The following CGNL1 variants were observed in gnomAD, a reference collection of about 807,000 sequenced individuals.
CGNL1 encodes cingulin like 1.
In CGNL1, 132 loss-of-function variants were observed where a neutral mutation model predicts 141.2. That is an observed-to-expected ratio of 0.93 (90% CI 0.81 to 1.08). CGNL1 has a LOEUF of 1.08. CGNL1 is among the 50% of genes least tolerant of loss of function. The probability of loss-of-function intolerance (pLI) is 0.00; values close to 1 mark genes in which losing one functional copy is unlikely to be tolerated. For missense variants in CGNL1, 1,870 were observed against 1,588.6 expected (o/e 1.18, Z -3.01); for synonymous variants, 690 against 622.1 (o/e 1.11, Z -1.63).
intron 7 of CGNL1, among the ~76,000 whole-genome samples, chr15:57,459,834 A>G (rs567913751): frequency 6.6e-6 from 1 of 152,292 alleles, no homozygotes; most frequent in South Asian, 2.1e-4. Flanking sequence ...GGAAGAAGGA[A>G]GGAAGGAGCA....
rs751961500 is a variant in CGNL1 at position 57,549,559 on chromosome 15, C to T, written c.*2069C>T. The T allele has an allele frequency of 4.6e-5, 7 of 152,186 alleles. No homozygotes were observed. The highest frequency in any genetic ancestry group is 1.0e-4 in the Non-Finnish European group (7 of 68,050). The allele number at this position is 152,186 out of a possible 1,614,324, so 9.4% of individuals were successfully genotyped here. A position where few individuals can be genotyped will look rare whatever the true frequency, so the allele number is the denominator to read the frequency against. On this transcript the variant is annotated 3_prime_UTR_variant, in exon 19 of 19. Coordinates refer to ENST00000281282, the MANE Select transcript of CGNL1 (RefSeq NM_032866.5). ...CAGGGGTGATTCTCACCTCTGCCTG[C>T]TTATGTGGGGTGTGGCCGATTCCTC...
intron 8 of CGNL1, among the ~76,000 whole-genome samples, chr15:57,502,683 T>C (rs2064042602): frequency 6.6e-6 from 1 of 152,182 alleles, no homozygotes; most frequent in Non-Finnish European, 1.5e-5. Flanking sequence ...CAGGCAGTGA[T>C]TATTTAGATT....
rs2063159053 is a variant in CGNL1, at chr15:57,439,574, G to T, written c.1575G>T (p.Lys525Asn). Reference sequence around the variant, plus strand: ...CTGGTGCCAAGAAAATTTCCGTGAAGACATTTCCTTCGGCCTCAAATACTC... The same window carrying T: ...CTGGTGCCAAGAAAATTTCCGTGAATACATTTCCTTCGGCCTCAAATACTC... ...PDSGAKKISV[K>N]TFPSASNTQA... Residue 525 changes from lysine (K) to asparagine (N), a missense_variant, in exon 2 of 19, where the codon AAG becomes AAT. By Grantham distance (94) the Lys-to-Asn change is moderately conservative (BLOSUM62 0). Transcript: ENST00000281282. The T allele has an allele frequency of 9.3e-6, 15 of 1,613,582 alleles. 1 individual carries two copies. The highest frequency in any genetic ancestry group is 2.2e-5 in the South Asian group (2 of 91,058).
intron 1 of CGNL1, among the ~76,000 whole-genome samples, chr15:57,437,243 A>G (rs1417047891): frequency 6.6e-6 from 1 of 152,212 alleles, no homozygotes; most frequent in African/African-American, 2.4e-5. Flanking sequence ...AGTGTTCTTC[A>G]TTTTTTAAAT....
At chr15:57,432,113 T>C (rs1333715699) in intron 1 of CGNL1, among the ~76,000 whole-genome samples, 4 of 152,234 alleles carry the variant, frequency 2.6e-5, no homozygotes, top group Admixed American at 1.3e-4. Context: ...CTAGGTACTA[T>C]GCCGATTGCT....
intron 8 of CGNL1, among the ~76,000 whole-genome samples, chr15:57,468,883 G>A (rs1042097019): frequency 2.0e-5 from 3 of 152,158 alleles, no homozygotes; most frequent in African/African-American, 7.2e-5. Flanking sequence ...AGGGATTTCC[G>A]CTTTTGCGCC....
chr15:57,402,849 C>T, intron 1 of CGNL1: 1 of 152,196 alleles, frequency 6.6e-6, no homozygotes, highest in Non-Finnish European at 1.5e-5. Context: ...CCATCTCACC[C>T]CCCAGGAAGG....
Position 57,518,496 on chromosome 15 carries a change from A to G in CGNL1, c.2714A>G (p.Gln905Arg), listed in dbSNP as rs2031005614. 2 of 1,602,050 alleles carry G rather than the reference A, an allele frequency of 1.2e-6. No individual in the cohort carries two copies. The highest frequency in any genetic ancestry group is 1.1e-5 in the South Asian group (1 of 89,574). The change falls in exon 10 of 19, where the codon CAG becomes CGG. Residue 905 changes from glutamine to arginine, a missense_variant and splice_region_variant. Gln to Arg is a conservative substitution (Grantham distance 43). Coordinates refer to ENST00000281282, the MANE Select transcript of CGNL1 (RefSeq NM_032866.5). Reference sequence around the variant, plus strand: ...CTGGAGAATGAACTGGAGGCTGCTCAGGTAAACACCAAGGGCTGTTGTCAT... The same window carrying G: ...CTGGAGAATGAACTGGAGGCTGCTCGGGTAAACACCAAGGGCTGTTGTCAT... ...RALENELEAA[Q>R]GNLSQTTQEQ... is the part of the protein sequence containing the mutation.
chr15:57,531,639 A>C (rs373692137), intron 13 of CGNL1, 51 bp from the exon 14 acceptor site: 3 of 1,191,658 alleles, frequency 2.5e-6, no homozygotes, highest in Non-Finnish European at 3.8e-6. Context: ...CTTTGCTGTT[A>C]ATCCCGGTCA....
intron 1 of CGNL1, among the ~76,000 whole-genome samples, chr15:57,405,489 T>C (rs1331119690): frequency 6.6e-6 from 1 of 152,208 alleles, no homozygotes; most frequent in Non-Finnish European, 1.5e-5. Flanking sequence ...TGTGATACTG[T>C]CTAGGTTCCT....
At chr15:57,468,583 TG>T (rs2152342317) in intron 8 of CGNL1, among the ~76,000 whole-genome samples, 4 of 151,772 alleles carry the variant, frequency 2.6e-5, no homozygotes, top group Admixed American at 2.6e-4. Context: ...TGTGTGTGTG[TG>T]TGTGTGTTAA....
intron 1 of CGNL1, among the ~76,000 whole-genome samples, chr15:57,409,126 G>A (rs2062757642): frequency 6.6e-6 from 1 of 151,788 alleles, no homozygotes; most frequent in East Asian, 1.9e-4. Context: ...GAGGACATTA[G>A]GAACTAACCA....
chr15:57,387,228 A>C (rs2062493753), intron 1 of CGNL1, among the ~76,000 whole-genome samples: 1 of 152,182 alleles, frequency 6.6e-6, no homozygotes, highest in Non-Finnish European at 1.5e-5. Context: ...TTCACTTAGC[A>C]TAATGTTTTC....
intron 17 of CGNL1, 67 bp from the exon 18 acceptor site, chr15:57,546,009 T>C: frequency 6.5e-7 from 1 of 1,540,612 alleles, no homozygotes; most frequent in Non-Finnish European, 8.8e-7. Context: ...TGGCTGGACC[T>C]GGGGTAAGCT....
rs528623925 is a variant in CGNL1, at chr15:57,498,099, T to C, written c.2404-18681T>C. Among the ~76,000 whole-genome samples, 4 of 152,260 alleles carry C rather than the reference T, an allele frequency of 2.6e-5. No individual in the cohort carries two copies. The East Asian group carries it at 7.7e-4, about 29-fold the overall frequency. ...GTGTGGCACCAAGCACTCTGCAGCT[T>C]TACCCGTCTCACCCAAATAGAGTTA... On this transcript the variant is annotated intron_variant, in intron 8 of 18. Coordinates refer to ENST00000281282, the MANE Select transcript of CGNL1 (RefSeq NM_032866.5).
intron 15 of CGNL1, 123 bp downstream of exon 15, chr15:57,543,902 G>A (rs1197571560): frequency 4.5e-6 from 3 of 661,104 alleles, no homozygotes; most frequent in Non-Finnish European, 5.2e-6. Flanking sequence ...AACTCTGGGG[G>A]GTAACAGTCC....
chr15:57,431,000 G>A (rs2063038468), intron 1 of CGNL1, among the ~76,000 whole-genome samples: 1 of 152,206 alleles, frequency 6.6e-6, no homozygotes, highest in Non-Finnish European at 1.5e-5. Flanking sequence ...GGGATTACAG[G>A]CGTGAGCCAG....
intron 8 of CGNL1, among the ~76,000 whole-genome samples, chr15:57,470,075 C>A (rs1372944646): frequency 6.6e-6 from 1 of 152,138 alleles, no homozygotes; most frequent in Non-Finnish European, 1.5e-5. Context: ...AATCAACTTA[C>A]CCTGAATGAC....
At chr15:57,399,920 T>C (rs1271267429) in intron 1 of CGNL1, among the ~76,000 whole-genome samples, 4 of 152,152 alleles carry the variant, frequency 2.6e-5, no homozygotes, top group South Asian at 2.1e-4. Context: ...TACTTGGAGA[T>C]ATCCTTAGAG....
Sources: allele counts gnomAD v4.1 joint callset (sites outside exome capture counted in the v4.1 genomes callset), GRCh38; gene constraint gnomAD v4.1.1; transcripts MANE v1.5; gene names NCBI Gene and HGNC (gene_info 2026-07-23, HGNC 2026-07-21).